Variants in DRAM1 observed in about 807,000 individuals in gnomAD.
DRAM1 encodes DNA damage regulated autophagy modulator 1.
A neutral mutation model predicts 28.5 loss-of-function variants in DRAM1; 25 were observed. The ratio of observed to expected loss-of-function variants is 0.88; its 90% CI spans 0.64 to 1.23. DRAM1 has a LOEUF of 1.23. DRAM1 is among the 50% of genes most tolerant of loss of function. The pLI, the probability that DRAM1 is intolerant of heterozygous loss-of-function variation, is 0.00. For missense variants in DRAM1, 249 were observed against 299.2 expected (o/e 0.83, Z 1.24); for synonymous variants, 113 against 114.2 (o/e 0.99, Z 0.07).
intron 4 of DRAM1, among the ~76,000 whole-genome samples, chr12:101,910,236 T>G (rs1873987742): frequency 6.6e-6 from 1 of 152,206 alleles, no homozygotes; most frequent in Non-Finnish European, 1.5e-5. Flanking sequence ...ATCCCTTGTC[T>G]TACTTATAGG....
rs1022798380 is a variant in DRAM1 at position 101,922,662 on chromosome 12, C to T, written c.*1402C>T. The T allele has an allele frequency of 6.6e-6, 1 of 152,352 alleles. No individual in the cohort carries two copies. Among genetic ancestry groups the T allele is most frequent in the East Asian group, 1.9e-4 (1 of 5,194 alleles). 9.4% of individuals were successfully genotyped at this position (152,352 alleles called of 1,614,324 possible). ...ACATGTCCGACACCCCTACCGCTGCCATTTGGGCCCTTTAATAAAGCCAAG... is the reference window on the plus strand; with the variant it reads ...ACATGTCCGACACCCCTACCGCTGCTATTTGGGCCCTTTAATAAAGCCAAG... On this transcript the variant is annotated 3_prime_UTR_variant, in exon 7 of 7. Coordinates refer to ENST00000258534, the MANE Select transcript of DRAM1 (RefSeq NM_018370.3).
At position 101,895,566 on chromosome 12, in the gene DRAM1, A is replaced by ATTTTTGGTTTTT. The variant is rs61325494; in HGVS notation, c.132-2292_132-2291insGGTTTTTTTTTT. On this transcript the variant is annotated intron_variant, in intron 1 of 6. Transcript: ENST00000258534. ...AAAGGCATTTGCTGTAAGGGAGGCTATTTTTTTTTTTTTTTTTTTTTTGAG... is the reference window on the plus strand; with the variant it reads ...AAAGGCATTTGCTGTAAGGGAGGCTATTTTTGGTTTTTTTTTTTTTTTTTTTTTTTTTTTGAG... Among the ~76,000 whole-genome samples the ATTTTTGGTTTTT allele has an allele frequency of 4.5e-4, 47 of 103,404 alleles. 5 individuals are homozygous for ATTTTTGGTTTTT. Among genetic ancestry groups the ATTTTTGGTTTTT allele is most frequent in the African/African-American group, 1.1e-3 (27 of 25,000 alleles). 67.8% of individuals were successfully genotyped at this position (103,404 alleles called of 152,430 possible). A position where few individuals can be genotyped will look rare whatever the true frequency, so the allele number is the denominator to read the frequency against.
At chr12:101,908,941 A>AT (rs112406176) in intron 4 of DRAM1, among the ~76,000 whole-genome samples, 17,608 of 148,122 alleles carry the variant, frequency 0.12, 1,192 homozygotes, top group Middle Eastern at 0.17. Context: ...AAGTTTCCAC[A>AT]TTTTTTCAGA....
At chr12:101,909,540 C>T (rs530293134) in intron 4 of DRAM1, among the ~76,000 whole-genome samples, 2 of 152,204 alleles carry the variant, frequency 1.3e-5, no homozygotes, top group East Asian at 1.9e-4. Context: ...CCCTGCACGT[C>T]GTAGGTGGCA....
At chr12:101,883,964 A>C (rs1056799680) in intron 1 of DRAM1, among the ~76,000 whole-genome samples, 3 of 151,996 alleles carry the variant, frequency 2.0e-5, no homozygotes, top group African/African-American at 7.3e-5. Flanking sequence ...AATACAAAAT[A>C]AAAACATGGG....
At chr12:101,895,566 A>ATTTTTGGTTTTTTTT (rs61325494) in intron 1 of DRAM1, among the ~76,000 whole-genome samples, 2 of 103,422 alleles carry the variant, frequency 1.9e-5, no homozygotes, top group Non-Finnish European at 3.6e-5. Flanking sequence ...AAGGGAGGCT[A>ATTTTTGGTTTTTTTT]TTTTTTTTTT....
At chr12:101,921,155 A>G (rs1594316163) in intron 6 of DRAM1, 61 bp from the exon 7 acceptor site, 1 of 1,214,966 alleles carries the variant, frequency 8.2e-7, no homozygotes, top group East Asian at 2.3e-5. Context: ...TGGAAATGTC[A>G]TTGTCAACGC....
intron 4 of DRAM1, among the ~76,000 whole-genome samples, chr12:101,908,777 A>G (rs1873920364): frequency 6.6e-6 from 1 of 151,962 alleles, no homozygotes; most frequent in South Asian, 2.1e-4. Flanking sequence ...TGGATCTTAC[A>G]AGGAAGTGCA....
chr12:101,893,331 G>A (rs1457051489), intron 1 of DRAM1, among the ~76,000 whole-genome samples: 1 of 152,014 alleles, frequency 6.6e-6, no homozygotes, highest in African/African-American at 2.4e-5. Context: ...TATTTATTTC[G>A]TTTTTTTGTT....
At chr12:101,903,959 A>ACACACACACC (rs754896759) in intron 3 of DRAM1, among the ~76,000 whole-genome samples, 4 of 124,308 alleles carry the variant, frequency 3.2e-5, no homozygotes, top group East Asian at 2.3e-4. Flanking sequence ...ACACACACAC[A>ACACACACACC]CACCCCTATA....
At chr12:101,897,033 C>T (rs575636768) in intron 1 of DRAM1, among the ~76,000 whole-genome samples, 7 of 151,952 alleles carry the variant, frequency 4.6e-5, no homozygotes, top group Admixed American at 3.3e-4. Flanking sequence ...GTGATCCGCC[C>T]GCCTCAGCCT....
chr12:101,914,318 G>C, intron 5 of DRAM1, 86 bp downstream of exon 5: 1 of 931,280 alleles, frequency 1.1e-6, no homozygotes. Flanking sequence ...GATCACTGCC[G>C]TTCCTTAGAA....
intron 2 of DRAM1, 92 bp from the exon 3 acceptor site, chr12:101,901,199 T>C (rs1873588350): frequency 7.0e-7 from 1 of 1,432,116 alleles, no homozygotes; most frequent in South Asian, 1.4e-5. Context: ...TTGCAATCAG[T>C]ACATTTTTAA....
intron 1 of DRAM1, among the ~76,000 whole-genome samples, chr12:101,895,566 A>ATTTTTGGTTTTTTTTTT (rs61325494): frequency 2.9e-5 from 3 of 103,422 alleles, no homozygotes; most frequent in African/African-American, 8.0e-5. Flanking sequence ...AAGGGAGGCT[A>ATTTTTGGTTTTTTTTTT]TTTTTTTTTT....
Position 101,920,128 on chromosome 12 carries a change from T to C in DRAM1, c.599T>C (p.Val200Ala). The change falls in exon 6 of 7, where the codon GTG becomes GCG. Residue 200 changes from valine (V) to alanine (A), a missense_variant. By Grantham distance (64) the Val-to-Ala change is moderately conservative (BLOSUM62 0). This residue lies in a region of DRAM1 where 15 missense variants were observed against 39.9 expected (regional missense o/e 0.38). Coordinates refer to ENST00000258534, the MANE Select transcript of DRAM1 (RefSeq NM_018370.3). ...CATTAGGATTATGTATATCACGTAG[T>C]GAGTGCGATCTGTGAATGGACAGTG... is the stretch of plus-strand genomic sequence containing the variant. ...PREKDYVYHV[V>A]SAICEWTVAF... is the part of the protein sequence containing the mutation. 1 of 1,608,636 alleles carries C rather than the reference T, an allele frequency of 6.2e-7. No individual in the cohort carries two copies. Among genetic ancestry groups the C allele is most frequent in the Non-Finnish European group, 8.5e-7 (1 of 1,178,196 alleles).
intron 1 of DRAM1, among the ~76,000 whole-genome samples, chr12:101,882,312 A>G (rs1163052004): frequency 6.7e-6 from 1 of 150,342 alleles, no homozygotes; most frequent in South Asian, 2.3e-4. Flanking sequence ...GGGTTTCACC[A>G]TGTTAGTCAG....
intron 2 of DRAM1, among the ~76,000 whole-genome samples, chr12:101,898,248 C>T (rs951326899): frequency 5.3e-5 from 8 of 152,058 alleles, no homozygotes; most frequent in Non-Finnish European, 1.0e-4. Flanking sequence ...CCTTGAGCTC[C>T]CGGGCTTCAG....
At position 101,920,123 on chromosome 12, in the gene DRAM1, C is replaced by T. The variant is rs371307805; in HGVS notation, c.594C>T (p.His198=). The change falls in exon 6 of 7, where the codon CAC becomes CAT. Residue 198 remains histidine (H), a synonymous_variant. Transcript: ENST00000258534. ...WNPREKDYVY[H]VVSAICEWTV... ...TATTGCATTAGGATTATGTATATCA[C>T]GTAGTGAGTGCGATCTGTGAATGGA... 34 of 1,606,740 alleles carry T rather than the reference C, an allele frequency of 2.1e-5. No homozygotes were observed. Among genetic ancestry groups the T allele is most frequent in the African/African-American group, 1.3e-4 (10 of 74,722 alleles).
At chr12:101,907,687 C>A (rs533095506) in intron 3 of DRAM1, among the ~76,000 whole-genome samples, 1 of 151,984 alleles carries the variant, frequency 6.6e-6, no homozygotes, top group Non-Finnish European at 1.5e-5. Context: ...TGCAGTGAGC[C>A]GAGTTCATGT....
Sources: allele counts gnomAD v4.1 joint callset (sites outside exome capture counted in the v4.1 genomes callset), GRCh38; gene constraint gnomAD v4.1.1; regional missense constraint gnomAD v4.1.1; transcripts MANE v1.5; gene names NCBI Gene and HGNC (gene_info 2026-07-23, HGNC 2026-07-21).